RAD51B: variants seen among roughly 807,000 people sequenced by gnomAD.
The protein encoded by RAD51B is DNA repair protein RAD51 homolog 2.
Under a neutral mutation model 42.2 loss-of-function variants are expected in RAD51B, and 38 were observed. The observed-to-expected ratio is 0.90, with a 90% CI of 0.70 to 1.18. The LOEUF (loss-of-function observed/expected upper bound fraction) is 1.18, where lower values mean the gene tolerates loss of function less well. Ranked by LOEUF, RAD51B falls within the 50% of genes most tolerant of loss-of-function variation. RAD51B has a pLI of 0.00. For missense variants in RAD51B, 373 were observed against 400.7 expected, an observed-to-expected ratio of 0.93 and a Z score of 0.59; for synonymous variants, 154 against 145.2, an observed-to-expected ratio of 1.06 and a Z score of -0.43.
chr14:67,831,923 A>T (rs1179737543), intron 3 of RAD51B, among the ~76,000 whole-genome samples: 1 of 152,270 alleles, frequency 6.6e-6, no homozygotes, highest in South Asian at 2.1e-4. Flanking sequence ...TTTAATTTTG[A>T]CAGATTGGGC....
chr14:68,410,121 A>C (rs753596547), intron 8 of RAD51B, among the ~76,000 whole-genome samples: 1 of 152,190 alleles, frequency 6.6e-6, no homozygotes, highest in African/African-American at 2.4e-5. Context: ...TATGCATTAT[A>C]AAATGGTTAG....
intron 7 of RAD51B, among the ~76,000 whole-genome samples, chr14:68,155,748 G>T (rs1006013535): frequency 6.6e-6 from 1 of 152,178 alleles, no homozygotes; most frequent in African/African-American, 2.4e-5. Context: ...AAGTAGAAAA[G>T]TTCATGGGTA....
chr14:68,479,667 C>CTTTTTTT (rs34999023), downstream of RAD51B, among the ~76,000 whole-genome samples: 6 of 96,434 alleles, frequency 6.2e-5, no homozygotes, highest in African/African-American at 1.2e-4. Flanking sequence ...TCTTATTCTT[C>CTTTTTTT]TTTTTTTTTT....
chr14:68,441,914 T>A (rs1594844411), intron 9 of RAD51B, among the ~76,000 whole-genome samples: 2 of 152,182 alleles, frequency 1.3e-5, no homozygotes, highest in African/African-American at 4.8e-5. Context: ...ACCCTAACAC[T>A]CTGCTCAGTT....
intron 10 of RAD51B, among the ~76,000 whole-genome samples, chr14:68,570,873 CCACA>C (rs9323516): frequency 9.4e-4 from 141 of 150,352 alleles, no homozygotes; most frequent in Middle Eastern, 6.8e-3. Flanking sequence ...GGCTGGAGCG[CCACA>C]CACACACACA....
chr14:68,640,540 T>C (rs1436825291), intron 10 of RAD51B, among the ~76,000 whole-genome samples: 2 of 152,208 alleles, frequency 1.3e-5, no homozygotes, highest in African/African-American at 2.4e-5. Context: ...GGAACCAAAA[T>C]TCCTGCTCTC....
intron 7 of RAD51B, among the ~76,000 whole-genome samples, chr14:68,227,947 T>C (rs1338333283): frequency 3.3e-5 from 5 of 152,216 alleles, no homozygotes; most frequent in African/African-American, 1.2e-4. Context: ...ATAATAATGA[T>C]AGTCATTATG....
Position 68,252,606 on chromosome 14 carries a change from A to G in RAD51B, c.757-39278A>G, listed in dbSNP as rs75619098. ...TGTTTTGCAACTTGTTTCTTTTTGT[A>G]TAACAACATTGCAGGAAAAAATACA... is the stretch of plus-strand genomic sequence containing the variant. On this transcript the variant is annotated intron_variant, in intron 7 of 10. Transcript: ENST00000471583. 3.3e-3 allele frequency among the ~76,000 whole-genome samples: 497 copies of G among 152,338 alleles called. 2 individuals are homozygous for G. Among genetic ancestry groups the G allele is most frequent in the African/African-American group, 0.011 (474 of 41,584 alleles).
chr14:68,282,029 T>G (rs1471964425), intron 7 of RAD51B, among the ~76,000 whole-genome samples: 1 of 151,802 alleles, frequency 6.6e-6, no homozygotes, highest in Non-Finnish European at 1.5e-5. Flanking sequence ...TTGCCTAGGC[T>G]GGAGTGCAAT....
intron 7 of RAD51B, among the ~76,000 whole-genome samples, chr14:68,290,625 T>A (rs1566787992): frequency 6.6e-6 from 1 of 151,886 alleles, no homozygotes; most frequent in Non-Finnish European, 1.5e-5. Flanking sequence ...GACTTTGGAC[T>A]TTTTTTTGTT....
intron 10 of RAD51B, among the ~76,000 whole-genome samples, chr14:68,533,509 G>A (rs980326096): frequency 1.3e-5 from 2 of 152,164 alleles, no homozygotes; most frequent in African/African-American, 4.8e-5. Flanking sequence ...GAGAAACAGA[G>A]CTACTTCTTC....
intron 8 of RAD51B, among the ~76,000 whole-genome samples, chr14:68,400,562 T>C (rs529316739): frequency 8.9e-4 from 135 of 152,204 alleles, no homozygotes; most frequent in Non-Finnish European, 1.6e-3. Context: ...ATCCGCCTGC[T>C]GCCTCTGACT....
chr14:67,912,709 T>C (rs1311283688), intron 7 of RAD51B, among the ~76,000 whole-genome samples: 1 of 139,660 alleles, frequency 7.2e-6, no homozygotes, highest in Non-Finnish European at 1.5e-5. Context: ...CTTCTCTAAG[T>C]TTTTTTTTTT....
intron 7 of RAD51B, chr14:67,908,745 A>G (rs1247855352): frequency 1.3e-5 from 2 of 152,156 alleles, no homozygotes; most frequent in African/African-American, 2.4e-5. Flanking sequence ...GTTCTTGAGC[A>G]TTTGTGATGT....
chr14:68,550,522 T>C (rs1386458149), intron 10 of RAD51B, among the ~76,000 whole-genome samples: 1 of 152,248 alleles, frequency 6.6e-6, no homozygotes, highest in African/African-American at 2.4e-5. Context: ...GTGCCTGGTG[T>C]ACTTTTAAAA....
intron 10 of RAD51B, among the ~76,000 whole-genome samples, chr14:68,629,770 T>C (rs1444026122): frequency 6.6e-6 from 1 of 152,244 alleles, no homozygotes; most frequent in African/African-American, 2.4e-5. Context: ...ACATACGTCC[T>C]AAGATATTTA....
intron 7 of RAD51B, among the ~76,000 whole-genome samples, chr14:67,924,413 T>C (rs993334139): frequency 1.3e-5 from 2 of 152,178 alleles, no homozygotes; most frequent in African/African-American, 4.8e-5. Flanking sequence ...ATAAAGTGTG[T>C]CTTAGTCCAT....
intron 11 of RAD51B, among the ~76,000 whole-genome samples, chr14:68,653,355 C>T (rs1365296457): frequency 6.6e-6 from 1 of 152,162 alleles, no homozygotes; most frequent in Non-Finnish European, 1.5e-5. Flanking sequence ...GCCTGGGCAA[C>T]ATAGCAAGAC....
At chr14:68,352,600 T>C in intron 8 of RAD51B, among the ~76,000 whole-genome samples, 1 of 152,238 alleles carries the variant, frequency 6.6e-6, no homozygotes, top group East Asian at 1.9e-4. Context: ...CCTTGAGGTG[T>C]TACAAACTAT....
Sources: allele counts gnomAD v4.1 joint callset (sites outside exome capture counted in the v4.1 genomes callset), GRCh38; gene constraint gnomAD v4.1.1; transcripts MANE v1.5; gene names NCBI Gene and HGNC (gene_info 2026-07-23, HGNC 2026-07-21).